SCN10A: variants seen among roughly 807,000 people sequenced by gnomAD.
SCN10A encodes the protein sodium voltage-gated channel alpha subunit 10.
In SCN10A, 162 loss-of-function variants were observed where a neutral mutation model predicts 170.7. The ratio of observed to expected loss-of-function variants is 0.95; its 90% CI spans 0.84 to 1.08. The LOEUF is 1.08. Ranked by LOEUF, SCN10A falls within the 50% of genes least tolerant of loss-of-function variation. The pLI is 0.00. For missense variants in SCN10A, 2,527 were observed against 2,436.9 expected (o/e 1.04, Z -0.78); for synonymous variants, 985 against 904.6 (o/e 1.09, Z -1.59).
intron 16 of SCN10A, among the ~76,000 whole-genome samples, chr3:38,728,040 G>GCT (rs1481596230): frequency 6.6e-6 from 1 of 152,170 alleles, no homozygotes; most frequent in Non-Finnish European, 1.5e-5. Flanking sequence ...AAATCAGTCA[G>GCT]CTCTTACTTC....
Position 38,697,252 on chromosome 3 carries a change from G to A in SCN10A, c.*97C>T. On this transcript the variant is annotated 3_prime_UTR_variant, in exon 28 of 28. Coordinates refer to ENST00000449082, the MANE Select transcript of SCN10A (RefSeq NM_006514.4). ...ACATTGTGACCAGTGGCATGCATTG[G>A]TGAGGCTGTAGCTGGGTGTGATCTG... is the stretch of plus-strand genomic sequence containing the variant. 2.6e-6 allele frequency: 4 copies of A among 1,534,000 alleles called. No individual in the cohort carries two copies. The highest frequency in any genetic ancestry group is 3.5e-6 in the Non-Finnish European group (4 of 1,142,112).
intron 23 of SCN10A, 24 bp from the exon 24 acceptor site, chr3:38,710,921 C>T: frequency 6.2e-7 from 1 of 1,606,802 alleles, no homozygotes; most frequent in South Asian, 1.1e-5. Flanking sequence ...GCAGAGGCCA[C>T]TCAGTGTCTG....
In SCN10A at chr3:38,699,402, T is replaced by C. The variant is rs145243270; in HGVS notation, c.4658-840A>G. On this transcript the variant is annotated intron_variant, in intron 27 of 27. Transcript: ENST00000449082. ...TCTTGGGGACCTGGGGAGCCTTATT[T>C]GTACCAAAGGCCTCCACCAAAGATG... Among the ~76,000 whole-genome samples the C allele has an allele frequency of 1.2e-3, 187 of 152,232 alleles. 1 individual carries two copies. Among genetic ancestry groups the C allele is most frequent in the African/African-American group, 4.3e-3 (179 of 41,530 alleles).
chr3:38,799,374 C>T (rs999861284), intron 1 of SCN10A, among the ~76,000 whole-genome samples: 2 of 152,168 alleles, frequency 1.3e-5, no homozygotes, highest in Non-Finnish European at 2.9e-5. Flanking sequence ...CTTGCATTTT[C>T]CCCAATGTGT....
chr3:38,761,215 G>A lies in SCN10A; in HGVS notation c.860C>T (p.Thr287Ile), dbSNP rs779570073. The A allele has an allele frequency of 1.2e-6, 2 of 1,607,674 alleles. No individual in the cohort carries two copies. Among genetic ancestry groups the A allele is most frequent in the Non-Finnish European group, 1.7e-6 (2 of 1,175,508 alleles). The change falls in exon 7 of 28, where the codon ACC becomes ATC. Residue 287 changes from threonine (T) to isoleucine (I), a missense_variant. Physicochemically the swap from Thr to Ile is moderately conservative, Grantham distance 89. Coordinates refer to ENST00000449082, the MANE Select transcript of SCN10A (RefSeq NM_006514.4). ...VKNDMAVNET[T>I]NYSSHRKPDI... ...ACGTTTTCTGTGAGATGAGTAGTTG[G>A]TTGTCTCATTGACAGCCATGTCATT... is the stretch of plus-strand genomic sequence containing the variant.
intron 1 of SCN10A, among the ~76,000 whole-genome samples, chr3:38,808,857 A>T (rs975283719): frequency 5.3e-5 from 8 of 152,206 alleles, no homozygotes; most frequent in Admixed American, 2.6e-4. Context: ...AGTCATTGGA[A>T]TGCAGTGAAA....
intron 1 of SCN10A, among the ~76,000 whole-genome samples, chr3:38,810,919 C>T (rs1424339426): frequency 6.6e-6 from 1 of 152,212 alleles, no homozygotes; most frequent in Non-Finnish European, 1.5e-5. Context: ...TTTGAGTCCT[C>T]TCAATTTTTT....
At chr3:38,707,700 C>A (rs2063225532) in intron 25 of SCN10A, among the ~76,000 whole-genome samples, 1 of 152,152 alleles carries the variant, frequency 6.6e-6, no homozygotes, top group Non-Finnish European at 1.5e-5. Flanking sequence ...CAAATCTGAG[C>A]CTTGGATCTA....
At chr3:38,756,609 C>A in intron 10 of SCN10A, 65 bp downstream of exon 10, 6 of 1,376,742 alleles carry the variant, frequency 4.4e-6, no homozygotes, top group Non-Finnish European at 4.1e-6. Context: ...AGTGGCTAGT[C>A]CAGAACAGTA....
At chr3:38,804,818 A>T (rs1214548322) in intron 1 of SCN10A, among the ~76,000 whole-genome samples, 2 of 152,176 alleles carry the variant, frequency 1.3e-5, no homozygotes, top group Non-Finnish European at 2.9e-5. Flanking sequence ...ATAAAGGCTG[A>T]AACCAGGAGG....
In SCN10A at chr3:38,761,222, C is replaced by T. The variant is rs146151670; in HGVS notation, c.853G>A (p.Glu285Lys). 7.4e-4 allele frequency: 1,186 copies of T among 1,608,048 alleles called. 1 individual carries two copies. The highest frequency in any genetic ancestry group is 9.5e-4 in the Non-Finnish European group (1,115 of 1,175,710). ...KCVKNDMAVN[E>K]TTNYSSHRKP... ...CTGTGAGATGAGTAGTTGGTTGTCTCATTGACAGCCATGTCATTCTTGACA... is the reference window on the plus strand; with the variant it reads ...CTGTGAGATGAGTAGTTGGTTGTCTTATTGACAGCCATGTCATTCTTGACA... Residue 285 changes from glutamate to lysine, a missense_variant, in exon 7 of 28, where the codon GAG (glutamate) becomes AAG (lysine). Coordinates refer to ENST00000449082, the MANE Select transcript of SCN10A (RefSeq NM_006514.4).
intron 1 of SCN10A, among the ~76,000 whole-genome samples, chr3:38,794,373 A>G (rs1324803973): frequency 6.6e-6 from 1 of 152,170 alleles, no homozygotes; most frequent in Non-Finnish European, 1.5e-5. Context: ...AGGACCACTG[A>G]GTTCCAGGCA....
Position 38,698,170 on chromosome 3 carries a change from T to A in SCN10A, c.5050A>T (p.Asn1684Tyr). Residue 1684 changes from asparagine to tyrosine, a missense_variant, in exon 28 of 28, where the codon AAC becomes TAC. Physicochemically the swap from Asn to Tyr is moderately radical, Grantham distance 143 (BLOSUM62 -2). Coordinates refer to ENST00000449082, the MANE Select transcript of SCN10A (RefSeq NM_006514.4). ...GPPYCDPNLPNSNGTRGDCGS... is the reference protein window; with the variant it reads ...GPPYCDPNLPYSNGTRGDCGS... ...CAGTCCCCTCTGGTGCCATTGCTGT[T>A]GGGCAGATTGGGGTCACAGTAGGGG... 1 of 1,614,110 alleles carries A rather than the reference T, an allele frequency of 6.2e-7. No homozygotes were observed. Among genetic ancestry groups the A allele is most frequent in the African/African-American group, 1.3e-5 (1 of 75,020 alleles).
intron 15 of SCN10A, 148 bp from the exon 16 acceptor site, chr3:38,729,049 C>A (rs1253415300): frequency 2.0e-5 from 18 of 911,954 alleles, no homozygotes; most frequent in Non-Finnish European, 2.9e-5. Flanking sequence ...CTTTTGGAGA[C>A]CTTTCTTCCT....
chr3:38,757,473 C>T (rs942623184), intron 8 of SCN10A, among the ~76,000 whole-genome samples: 30 of 152,176 alleles, frequency 2.0e-4, no homozygotes, highest in Admixed American at 1.2e-3. Context: ...GTAGCAATAA[C>T]GCAGACTTAA....
At chr3:38,807,955 T>C (rs1357298692) in intron 1 of SCN10A, among the ~76,000 whole-genome samples, 2 of 152,174 alleles carry the variant, frequency 1.3e-5, no homozygotes, top group Non-Finnish European at 2.9e-5. Context: ...TTGCCTACTT[T>C]CATAGCAACC....
intron 26 of SCN10A, among the ~76,000 whole-genome samples, chr3:38,703,674 C>A (rs1477144628): frequency 1.3e-5 from 2 of 152,242 alleles, no homozygotes; most frequent in Non-Finnish European, 2.9e-5. Flanking sequence ...ATTTGTGATG[C>A]TCTTTTATAG....
Position 38,756,846 on chromosome 3 carries a change from T to C in SCN10A, c.1118A>G (p.Tyr373Cys), listed in dbSNP as rs147835034. The change falls in exon 10 of 28, where the codon TAT becomes TGT. Residue 373 changes from tyrosine (Y) to cysteine (C), a missense_variant. Transcript: ENST00000449082. ...QQTLRTSGKI[Y>C]MIFFVLVIFL... ...GATTACGAGCACAAAAAAGATCATATAGATTTTCCCAGAAGTCCTCAGGGT... is the reference window on the plus strand; with the variant it reads ...GATTACGAGCACAAAAAAGATCATACAGATTTTCCCAGAAGTCCTCAGGGT... The C allele has an allele frequency of 2.8e-5, 45 of 1,614,160 alleles. No homozygotes were observed. In the African/African-American group the frequency reaches 5.1e-4, roughly 18 times the overall value.
intron 17 of SCN10A, among the ~76,000 whole-genome samples, chr3:38,725,714 G>A (rs74792924): frequency 0.015 from 2,310 of 152,364 alleles, 67 homozygotes; most frequent in South Asian, 0.065. Context: ...TTTGTCCAGA[G>A]GTCAAAATTG....
Sources: gnomAD v4.1 joint callset for allele counts (sites outside exome capture counted in the v4.1 genomes callset) on GRCh38, gnomAD v4.1.1 for gene constraint, MANE v1.5 for transcripts, NCBI Gene and HGNC (gene_info 2026-07-23, HGNC 2026-07-21) for gene names.